SLC17A6: variants seen among roughly 807,000 people sequenced by gnomAD.
SLC17A6 encodes the protein vesicular glutamate transporter 2.
SLC17A6 carries 35 observed loss-of-function variants against 67.1 expected under a neutral mutation model. The ratio of observed to expected loss-of-function variants is 0.52; its 90% CI spans 0.40 to 0.69. The LOEUF (loss-of-function observed/expected upper bound fraction) is 0.69, where lower values mean the gene tolerates loss of function less well. SLC17A6 is among the 30% of genes least tolerant of loss of function. The pLI, the probability that SLC17A6 is intolerant of heterozygous loss-of-function variation, is 0.00. For synonymous variants in SLC17A6, 285 were observed against 252.3 expected (o/e 1.13, Z -1.23); for missense variants, 588 against 723.9 (o/e 0.81, Z 2.15).
intron 3 of SLC17A6, among the ~76,000 whole-genome samples, chr11:22,357,978 G>C (rs1856009552): frequency 6.6e-6 from 1 of 152,198 alleles, no homozygotes; most frequent in African/African-American, 2.4e-5. Flanking sequence ...TATTTGGCTA[G>C]TATATAATCA....
chr11:22,363,544 C>T (rs910431695), intron 6 of SLC17A6, among the ~76,000 whole-genome samples: 2 of 152,130 alleles, frequency 1.3e-5, no homozygotes, highest in African/African-American at 2.4e-5. Context: ...TTGGACATTG[C>T]CATGAGAATC....
Position 22,360,877 on chromosome 11 carries a change from A to G in SLC17A6, c.574-20A>G, listed in dbSNP as rs1014882569. On this transcript the variant is annotated intron_variant, in intron 4 of 11. Transcript: ENST00000263160. The stretch of plus-strand genomic sequence containing the variant: ...TTGATCCTAAATGGTGACAGTGATG[A>G]GTATCTTCCCCCATCACAGGGTGTG... The G allele has an allele frequency of 1.3e-6, 2 of 1,592,782 alleles. No individual in the cohort carries two copies. Among genetic ancestry groups the G allele is most frequent in the Non-Finnish European group, 1.7e-6 (2 of 1,160,734 alleles).
chr11:22,377,501 C>A lies in SLC17A6; in HGVS notation c.1510C>A (p.Pro504Thr). Residue 504 changes from proline to threonine, a missense_variant, in exon 12 of 12, where the codon CCC (proline) becomes ACC (threonine). By Grantham distance (38) the Pro-to-Thr change is conservative (BLOSUM62 -1). Transcript: ENST00000263160. ...AATATTTGCCTCAGGAGAGAAACAA[C>A]CCTGGGCAGACCCGGAGGAAACAAG... ...YAIFASGEKQ[P>T]WADPEETSEE... 1.9e-6 allele frequency: 3 copies of A among 1,614,068 alleles called. No homozygotes were observed. The highest frequency in any genetic ancestry group is 1.3e-5 in the African/African-American group (1 of 74,998).
At chr11:22,339,128 TGTTATATATATATGTTATATATA>T (rs1318719903) in intron 1 of SLC17A6, among the ~76,000 whole-genome samples, 3,124 of 42,450 alleles carry the variant, frequency 0.074, 435 homozygotes, top group South Asian at 0.096. Flanking sequence ...TATATATATA[TGTTATATATATATGTTATATATA>T]GTTATATATA....
intron 5 of SLC17A6, chr11:22,362,259 T>C: frequency 2.1e-6 from 1 of 470,254 alleles, no homozygotes; most frequent in Non-Finnish European, 4.1e-6. Context: ...TGAAGCAATA[T>C]GCCTTCAATC....
At chr11:22,363,540 A>G (rs113105308) in intron 6 of SLC17A6, among the ~76,000 whole-genome samples, 5 of 152,218 alleles carry the variant, frequency 3.3e-5, no homozygotes, top group African/African-American at 1.2e-4. Flanking sequence ...ATCTTTGGAC[A>G]TTGCCATGAG....
intron 3 of SLC17A6, among the ~76,000 whole-genome samples, chr11:22,344,004 G>A (rs1176019442): frequency 6.6e-6 from 1 of 152,194 alleles, no homozygotes; most frequent in South Asian, 2.1e-4. Context: ...TCCCAGAAGC[G>A]CCACCAACGG....
At chr11:22,354,506 C>T (rs1855976823) in intron 3 of SLC17A6, among the ~76,000 whole-genome samples, 1 of 152,222 alleles carries the variant, frequency 6.6e-6, no homozygotes, top group African/African-American at 2.4e-5. Flanking sequence ...CATTTAACTA[C>T]TTACTTCAAA....
chr11:22,363,397 G>C (rs2252782), intron 6 of SLC17A6, among the ~76,000 whole-genome samples: 57,330 of 152,060 alleles, frequency 0.38, 12,536 homozygotes, highest in East Asian at 0.65. Flanking sequence ...GTCTAAAACA[G>C]TCTTGATATT....
intron 3 of SLC17A6, among the ~76,000 whole-genome samples, chr11:22,345,819 G>C (rs368628640): frequency 3.9e-5 from 6 of 152,064 alleles, no homozygotes; most frequent in African/African-American, 1.4e-4. Flanking sequence ...TTGCACATTA[G>C]TAAGAAAAAA....
At chr11:22,366,414 C>T (rs1413774752) in intron 7 of SLC17A6, among the ~76,000 whole-genome samples, 3 of 151,998 alleles carry the variant, frequency 2.0e-5, no homozygotes, top group Non-Finnish European at 4.4e-5. Flanking sequence ...TTAGGAGATA[C>T]TGAAGCATTA....
intron 3 of SLC17A6, among the ~76,000 whole-genome samples, chr11:22,346,229 T>A (rs1855874152): frequency 6.6e-6 from 1 of 152,162 alleles, no homozygotes. Context: ...TAAACTGAGG[T>A]GTGTGGAGAC....
chr11:22,353,563 G>C (rs984923782), intron 3 of SLC17A6, among the ~76,000 whole-genome samples: 5 of 152,184 alleles, frequency 3.3e-5, no homozygotes, highest in Admixed American at 1.3e-4. Context: ...AACTAATACT[G>C]TATCATGCTA....
chr11:22,341,332 C>T (rs1456298597), intron 1 of SLC17A6, among the ~76,000 whole-genome samples, 196 bp from the exon 2 acceptor site: 1 of 152,146 alleles, frequency 6.6e-6, no homozygotes, highest in Admixed American at 6.5e-5. Context: ...CCGCCGCGGC[C>T]AAGGGCACCT....
chr11:22,339,850 C>T (rs74628301), intron 1 of SLC17A6, among the ~76,000 whole-genome samples: 7,151 of 151,984 alleles, frequency 0.047, 553 homozygotes, highest in African/African-American at 0.16. Context: ...AGTACAACTG[C>T]CATCCGGTGC....
rs200233268 is a variant in SLC17A6 at position 22,341,485 on chromosome 11, C to T, written c.87-43C>T. ...GGGAATGGGTCAGCATCGGGGGTAC[C>T]TAAGCCGCCAAGTCCTTGACTCGCC... is the stretch of plus-strand genomic sequence containing the variant. On this transcript the variant is annotated intron_variant, in intron 1 of 11. Coordinates refer to ENST00000263160, the MANE Select transcript of SLC17A6 (RefSeq NM_020346.3). 3.4e-4 allele frequency: 537 copies of T among 1,597,670 alleles called. No individual in the cohort carries two copies. In the African/African-American group the frequency reaches 6.5e-3, roughly 19 times the overall value.
chr11:22,353,297 T>G (rs1855962482), intron 3 of SLC17A6, among the ~76,000 whole-genome samples: 1 of 152,160 alleles, frequency 6.6e-6, no homozygotes. Flanking sequence ...TTGCCCAAAG[T>G]CATACTTAGC....
Position 22,360,946 on chromosome 11 carries a change from C to A in SLC17A6, c.623C>A (p.Pro208His). 1 of 1,614,048 alleles carries A rather than the reference C, an allele frequency of 6.2e-7. No individual in the cohort carries two copies. Among genetic ancestry groups the A allele is most frequent in the Non-Finnish European group, 8.5e-7 (1 of 1,179,936 alleles). Residue 208 changes from proline (P) to histidine (H), a missense_variant, in exon 5 of 12, where the codon CCT (proline) becomes CAT (histidine). Pro to His is a moderately conservative substitution (Grantham distance 77). Transcript: ENST00000263160. Reference protein sequence around the residue: ...CHGIWSKWAPPLERSRLATTS... With the variant: ...CHGIWSKWAPHLERSRLATTS... ...GGGATATGGAGCAAATGGGCCCCACCTCTAGAGAGGAGTAGACTGGCAACC... is the reference window on the plus strand; with the variant it reads ...GGGATATGGAGCAAATGGGCCCCACATCTAGAGAGGAGTAGACTGGCAACC...
chr11:22,352,744 G>T (rs1431365082), intron 3 of SLC17A6, among the ~76,000 whole-genome samples: 1 of 152,162 alleles, frequency 6.6e-6, no homozygotes, highest in Non-Finnish European at 1.5e-5. Flanking sequence ...AGTTGAAAAA[G>T]AGGTGTGTTT....
Sources: allele counts gnomAD v4.1 joint callset (sites outside exome capture counted in the v4.1 genomes callset), GRCh38; gene constraint gnomAD v4.1.1; transcripts MANE v1.5; gene names NCBI Gene and HGNC (gene_info 2026-07-23, HGNC 2026-07-21).